Variants in NLK observed in about 807,000 individuals in gnomAD.
NLK encodes the protein serine/threonine-protein kinase NLK.
Under a neutral mutation model 59.0 loss-of-function variants are expected in NLK, and 11 were observed. The ratio of observed to expected loss-of-function variants is 0.19; its 90% CI spans 0.12 to 0.31. The LOEUF (loss-of-function observed/expected upper bound fraction) is 0.31. NLK is among the 10% of genes least tolerant of loss of function. NLK has a pLI of 1.00. For synonymous variants in NLK, 235 were observed against 235.9 expected (o/e 1.00, Z 0.03); for missense variants, 410 against 661.1 (o/e 0.62, Z 4.16).
chr17:28,174,955 C>T (rs1253349562), intron 7 of NLK, among the ~76,000 whole-genome samples: 2 of 150,922 alleles, frequency 1.3e-5, no homozygotes, highest in African/African-American at 4.9e-5. Context: ...GACACCTACA[C>T]ACGATTATAT....
At chr17:28,151,933 T>C (rs1597712264) in intron 3 of NLK, among the ~76,000 whole-genome samples, 1 of 152,232 alleles carries the variant, frequency 6.6e-6, no homozygotes, top group East Asian at 1.9e-4. Context: ...TATGTGGTCT[T>C]AGTATGAAGG....
At chr17:28,182,587 T>A (rs1453863455) in intron 7 of NLK, among the ~76,000 whole-genome samples, 3 of 152,168 alleles carry the variant, frequency 2.0e-5, no homozygotes, top group Non-Finnish European at 4.4e-5. Flanking sequence ...CCACAGGAAA[T>A]TTATTTAAGA....
At chr17:28,101,674 A>G (rs1904906464) in intron 1 of NLK, among the ~76,000 whole-genome samples, 1 of 152,126 alleles carries the variant, frequency 6.6e-6, no homozygotes. Flanking sequence ...TAGTTCTAGT[A>G]GCTCTTTGTA....
downstream of NLK, among the ~76,000 whole-genome samples, chr17:28,198,840 A>G (rs1909549891): frequency 6.6e-6 from 1 of 152,212 alleles, no homozygotes; most frequent in African/African-American, 2.4e-5. Context: ...GCATCTCACC[A>G]CTGTCAGGTA....
At chr17:28,120,112 A>G (rs1350040927) in intron 1 of NLK, among the ~76,000 whole-genome samples, 1 of 152,132 alleles carries the variant, frequency 6.6e-6, no homozygotes, top group African/African-American at 2.4e-5. Flanking sequence ...TAGATACTGA[A>G]GTAGTATATT....
chr17:28,097,250 AT>A (rs932001150), intron 1 of NLK, among the ~76,000 whole-genome samples: 1 of 152,176 alleles, frequency 6.6e-6, no homozygotes, highest in African/African-American at 2.4e-5. Context: ...GATTATAGAA[AT>A]TTTTAAATTA....
Position 28,172,779 on chromosome 17 carries a change from A to G in NLK, c.1149+161A>G, listed in dbSNP as rs35513210. ...GTAAGAAAATGTTCAATATTTGTCA[A>G]ACTGAATAAAATCTCATTCCTAATG... On this transcript the variant is annotated intron_variant, in intron 7 of 10. Coordinates refer to ENST00000407008, the MANE Select transcript of NLK (RefSeq NM_016231.5). 6.3e-3 allele frequency among the ~76,000 whole-genome samples: 958 copies of G among 152,246 alleles called. 7 individuals are homozygous for G. Among genetic ancestry groups the G allele is most frequent in the African/African-American group, 0.022 (934 of 41,526 alleles).
intron 1 of NLK, among the ~76,000 whole-genome samples, chr17:28,060,306 A>C (rs191613828): frequency 2.5e-3 from 374 of 152,348 alleles, no homozygotes; most frequent in Admixed American, 5.2e-3. Flanking sequence ...CTATGAAGAC[A>C]TCTAAGATGT....
chr17:28,192,280 T>G, intron 10 of NLK, 67 bp downstream of exon 10: 1 of 841,722 alleles, frequency 1.2e-6, no homozygotes, highest in Non-Finnish European at 1.9e-6. Context: ...ACTTCATTAT[T>G]CAGCATATTT....
chr17:28,046,159 T>G (rs1408903953), intron 1 of NLK, among the ~76,000 whole-genome samples: 2 of 152,212 alleles, frequency 1.3e-5, no homozygotes, highest in East Asian at 3.8e-4. Context: ...CAAGGAGAGA[T>G]ATTTGTAGAA....
chr17:28,052,313 G>A (rs1202978783), intron 1 of NLK, among the ~76,000 whole-genome samples: 2 of 152,098 alleles, frequency 1.3e-5, no homozygotes, highest in African/African-American at 4.8e-5. Flanking sequence ...TGAGTAATCA[G>A]GTAAGATGAT....
chr17:28,192,233 T>G lies in NLK; in HGVS notation c.1529+20T>G. ...TATTAGGTAACTATATGTATGTAAT[T>G]CAACATTCTTGTTAGAATTAAAAGG... On this transcript the variant is annotated intron_variant, in intron 10 of 10. Transcript: ENST00000407008. 1 of 1,284,984 alleles carries G rather than the reference T, an allele frequency of 7.8e-7. No individual in the cohort carries two copies. 79.6% of individuals were successfully genotyped at this position (1,284,984 alleles called of 1,614,324 possible).
chr17:28,169,289 G>A (rs1293051143), intron 6 of NLK, among the ~76,000 whole-genome samples: 1 of 152,350 alleles, frequency 6.6e-6, no homozygotes, highest in East Asian at 1.9e-4. Context: ...CCTTCTAAGT[G>A]AATGGCTCTG....
chr17:28,192,962 G>C (rs1487513228), intron 10 of NLK, among the ~76,000 whole-genome samples: 1 of 152,192 alleles, frequency 6.6e-6, no homozygotes, highest in East Asian at 1.9e-4. Context: ...GCATATGGTA[G>C]AGCTATGAAC....
intron 1 of NLK, among the ~76,000 whole-genome samples, chr17:28,066,535 T>A (rs1909829952): frequency 6.6e-6 from 1 of 152,244 alleles, no homozygotes; most frequent in South Asian, 2.1e-4. Flanking sequence ...ACATTTAGGT[T>A]GTTTGCAGTT....
intron 1 of NLK, among the ~76,000 whole-genome samples, chr17:28,074,410 A>C (rs1197350054): frequency 1.3e-5 from 2 of 152,196 alleles, no homozygotes; most frequent in Non-Finnish European, 2.9e-5. Flanking sequence ...TATTTTTAAA[A>C]AATTTTTTTA....
chr17:28,163,374 A>G (rs138297576), intron 4 of NLK, among the ~76,000 whole-genome samples, 169 bp from the exon 5 acceptor site: 1 of 152,358 alleles, frequency 6.6e-6, no homozygotes, highest in Admixed American at 6.5e-5. Context: ...ATTTTACTGT[A>G]GCAAAATTAC....
intron 1 of NLK, among the ~76,000 whole-genome samples, chr17:28,069,432 C>T (rs1322189413): frequency 6.6e-6 from 1 of 152,066 alleles, no homozygotes; most frequent in Non-Finnish European, 1.5e-5. Flanking sequence ...TTGTAGAGTA[C>T]ATATATATTT....
At chr17:28,131,586 T>TAAAAAAAAAA (rs35804817) in intron 2 of NLK, among the ~76,000 whole-genome samples, 3 of 83,718 alleles carry the variant, frequency 3.6e-5, no homozygotes, top group African/African-American at 1.4e-4. Context: ...TTCTCTGTAG[T>TAAAAAAAAAA]AAAAAAAAAA....
Sources: allele counts gnomAD v4.1 joint callset (sites outside exome capture counted in the v4.1 genomes callset), GRCh38; gene constraint gnomAD v4.1.1; transcripts MANE v1.5; gene names NCBI Gene and HGNC (gene_info 2026-07-23, HGNC 2026-07-21).